The following DNAH2 variants were observed in gnomAD, a reference collection of about 807,000 sequenced individuals.
DNAH2 encodes the protein dynein axonemal heavy chain 2.
DNAH2 carries 323 observed loss-of-function variants against 523.5 expected under a neutral mutation model. That is an observed-to-expected ratio of 0.62 (90% CI 0.56 to 0.68). DNAH2 has a LOEUF of 0.68. Among genes scored for constraint, DNAH2 ranks in the 30% least tolerant of loss-of-function variants. The probability of loss-of-function intolerance (pLI) is 0.00; values close to 1 mark genes in which losing one functional copy is unlikely to be tolerated. For missense variants in DNAH2, 4,907 were observed against 5,701.5 expected, an observed-to-expected ratio of 0.86 and a Z score of 4.49; for synonymous variants, 2,093 against 2,177.4, an observed-to-expected ratio of 0.96 and a Z score of 1.08.
At chr17:7,756,964 C>CCAGG in intron 12 of DNAH2, 127 bp from the exon 13 acceptor site, 8 of 1,398,334 alleles carry the variant, frequency 5.7e-6, no homozygotes, top group Non-Finnish European at 6.9e-6. Flanking sequence ...AGCCACCATA[C>CCAGG]CAGGCCTCTG....
At position 7,770,547 on chromosome 17, in the gene DNAH2, C is replaced by A. The variant is rs1189076329; in HGVS notation, c.4099-10C>A. 2 of 1,613,952 alleles carry A rather than the reference C, an allele frequency of 1.2e-6. No individual in the cohort carries two copies. The highest frequency in any genetic ancestry group is 1.7e-5 in the Admixed American group (1 of 60,004). ...ACCTGACTGCTGTGTCCCCCAATTT[C>A]TCTCCACAGGCTTTACAAAACATTG... is the stretch of plus-strand genomic sequence containing the variant. On this transcript the variant is annotated splice_polypyrimidine_tract_variant and intron_variant, in intron 25 of 85. Coordinates refer to ENST00000572933, the MANE Select transcript of DNAH2 (RefSeq NM_020877.5).
Position 7,794,370 on chromosome 17 carries a change from A to C in DNAH2, c.7674+12A>C, listed in dbSNP as rs773033070. 2.2e-5 allele frequency: 35 copies of C among 1,598,116 alleles called. No homozygotes were observed. In the Admixed American group the frequency reaches 5.5e-4, roughly 25 times the overall value. The stretch of plus-strand genomic sequence containing the variant: ...TGACCTTCCCCACAGTGAGGACCTC[A>C]TGGGGGCTGCAGGACGAGGGGAGGG... On this transcript the variant is annotated intron_variant, in intron 49 of 85. Coordinates refer to ENST00000572933, the MANE Select transcript of DNAH2 (RefSeq NM_020877.5).
intron 71 of DNAH2, 45 bp from the exon 72 acceptor site, chr17:7,819,164 G>A (rs377440078): frequency 3.9e-5 from 63 of 1,609,132 alleles, no homozygotes; most frequent in Middle Eastern, 1.8e-4. Flanking sequence ...CCTGCTCCCT[G>A]CCACGTCCCT....
Position 7,832,684 on chromosome 17 carries a change from T to C in DNAH2, c.12832T>C (p.Trp4278Arg). ...ASRARPPVIF[W>R]LSGFTFPTGF... Reference sequence around the variant, plus strand: ...CCGGGCCCGGCCTCCTGTGATCTTCTGGTTGTCTGGTTTCACCTTTCCCAC... The same window carrying C: ...CCGGGCCCGGCCTCCTGTGATCTTCCGGTTGTCTGGTTTCACCTTTCCCAC... The change falls in exon 83 of 86, where the codon TGG (tryptophan) becomes CGG (arginine). Residue 4278 changes from tryptophan to arginine, a missense_variant. By Grantham distance (101) the Trp-to-Arg change is moderately radical. Transcript: ENST00000572933. This position sits in a 1 kb window ranked among gnomAD's most constrained non-coding sequence, Gnocchi z 4.3. 1.2e-6 allele frequency: 2 copies of C among 1,614,128 alleles called. No individual in the cohort carries two copies. Among genetic ancestry groups the C allele is most frequent in the Non-Finnish European group, 1.7e-6 (2 of 1,180,038 alleles).
At chr17:7,728,698 T>TA (rs1222967669) in intron 4 of DNAH2, among the ~76,000 whole-genome samples, 1 of 152,140 alleles carries the variant, frequency 6.6e-6, no homozygotes, top group Non-Finnish European at 1.5e-5. Context: ...TCATTTTATA[T>TA]AAAAAAGTAT....
At chr17:7,778,493 C>T (rs764301112) in intron 35 of DNAH2, 24 bp downstream of exon 35, 3 of 1,582,516 alleles carry the variant, frequency 1.9e-6, no homozygotes, top group Non-Finnish European at 2.6e-6. Context: ...CACCCTGTGC[C>T]AGAAGCCCCT....
At chr17:7,824,096 G>T in intron 75 of DNAH2, 25 bp from the exon 76 acceptor site, 1 of 1,566,872 alleles carries the variant, frequency 6.4e-7, no homozygotes, top group South Asian at 1.2e-5. Flanking sequence ...CCTTCTGCCT[G>T]ATGCTATACC....
intron 12 of DNAH2, among the ~76,000 whole-genome samples, chr17:7,745,397 A>C (rs1444991542): frequency 6.6e-6 from 1 of 152,174 alleles, no homozygotes; most frequent in African/African-American, 2.4e-5. Flanking sequence ...AAAACTAACT[A>C]ATAGGTACTA....
At chr17:7,743,239 C>G (rs1232756304) in intron 12 of DNAH2, 97 bp downstream of exon 12, 1 of 1,239,836 alleles carries the variant, frequency 8.1e-7, no homozygotes, top group Non-Finnish European at 1.2e-6. Context: ...TCATTATTCT[C>G]TCTCTTTCTC....
Position 7,786,032 on chromosome 17 carries a change from G to C in DNAH2, c.6130-92G>C. 7.4e-7 allele frequency: 1 copy of C among 1,356,002 alleles called. No individual in the cohort carries two copies. The highest frequency in any genetic ancestry group is 1.3e-5 in the South Asian group (1 of 76,522). 84.0% of individuals were successfully genotyped at this position (1,356,002 alleles called of 1,614,324 possible). ...GCCCTGGTGCCATTTTTAACAGTTT[G>C]AACGTATTCTCTCTGGCACCGGGGA... On this transcript the variant is annotated intron_variant, in intron 39 of 85. Coordinates refer to ENST00000572933, the MANE Select transcript of DNAH2 (RefSeq NM_020877.5). This position sits in a 1 kb window ranked among gnomAD's most constrained non-coding sequence, Gnocchi z 7.5.
chr17:7,779,490 C>A, intron 36 of DNAH2, 67 bp downstream of exon 36: 1 of 1,492,668 alleles, frequency 6.7e-7, no homozygotes, highest in Non-Finnish European at 9.2e-7. Flanking sequence ...GAAATAACTG[C>A]GCATCCTCCT....
At chr17:7,800,781 G>C (rs1474581670) in intron 56 of DNAH2, among the ~76,000 whole-genome samples, 1 of 150,102 alleles carries the variant, frequency 6.7e-6, no homozygotes, top group Non-Finnish European at 1.5e-5. Context: ...GCAGGAGAAT[G>C]GCGTGAACCT....
Position 7,741,060 on chromosome 17 carries a change from T to A in DNAH2, c.1689+68T>A, listed in dbSNP as rs1051985158. 7.9e-6 allele frequency: 12 copies of A among 1,528,022 alleles called. No individual in the cohort carries two copies. In the African/African-American group the frequency reaches 1.6e-4, roughly 21 times the overall value. 94.7% of individuals were successfully genotyped at this position (1,528,022 alleles called of 1,614,324 possible). A position where few individuals can be genotyped will look rare whatever the true frequency, so the allele number is the denominator to read the frequency against. ...GCCAGGAGGGATGGGGGATGGCTCC[T>A]GAGAGGTTCCCCAAAGAGTCTTCAG... On this transcript the variant is annotated intron_variant, in intron 11 of 85. Coordinates refer to ENST00000572933, the MANE Select transcript of DNAH2 (RefSeq NM_020877.5).
chr17:7,764,450 C>T (rs996415992), intron 20 of DNAH2, among the ~76,000 whole-genome samples, 177 bp downstream of exon 20: 16 of 151,500 alleles, frequency 1.1e-4, no homozygotes, highest in Admixed American at 1.3e-4. Flanking sequence ...CTTTTCTTTT[C>T]CTCTTCTTCT....
chr17:7,745,646 C>T (rs984839371), intron 12 of DNAH2, among the ~76,000 whole-genome samples: 3 of 151,928 alleles, frequency 2.0e-5, no homozygotes, highest in African/African-American at 4.8e-5. Context: ...AAAAATTAGC[C>T]GGGCATAGTG....
At chr17:7,823,294 CA>C (rs34255363) in intron 73 of DNAH2, 147 bp from the exon 74 acceptor site, 21,663 of 533,834 alleles carry the variant, frequency 0.041, 47 homozygotes, top group African/African-American at 0.097. Flanking sequence ...GACTCCATCT[CA>C]AAAAAAAAAA....
rs998587054 is a variant in DNAH2, at chr17:7,788,157, C to A, written c.6813C>A (p.Asn2271Lys). Residue 2271 changes from asparagine (N) to lysine (K), a missense_variant, in exon 44 of 86, where the codon AAC becomes AAA. Physicochemically the swap from Asn to Lys is moderately conservative, Grantham distance 94 (BLOSUM62 0). Around this residue, in one of 3 missense-constraint regions of DNAH2, gnomAD observed 2,806 missense variants for 3,190.8 expected, o/e 0.88. Transcript: ENST00000572933. ...INKMLAFKKD[N>K]CKELVPLPEY... is the part of the protein sequence containing the mutation. ...AGATGCTGGCCTTTAAGAAGGACAA[C>A]TGCAAGGAGCTGGTGCCCCTGCCCG... is the stretch of plus-strand genomic sequence containing the variant. 15 of 1,614,028 alleles carry A rather than the reference C, an allele frequency of 9.3e-6. No homozygotes were observed. Among genetic ancestry groups the A allele is most frequent in the African/African-American group, 5.3e-5 (4 of 74,938 alleles).
chr17:7,720,424 A>C (rs1289813269), intron 2 of DNAH2, among the ~76,000 whole-genome samples: 1 of 152,148 alleles, frequency 6.6e-6, no homozygotes, highest in African/African-American at 2.4e-5. Context: ...GCGGAGGTTC[A>C]GGTTCAGGAT....
At chr17:7,740,308 C>G (rs2151151421) in intron 9 of DNAH2, 112 bp from the exon 10 acceptor site, 1 of 1,509,690 alleles carries the variant, frequency 6.6e-7, no homozygotes, top group South Asian at 1.3e-5. Context: ...CTTGGAGTGC[C>G]TGGCACACAG....
Sources: gnomAD v4.1 joint callset for allele counts (sites outside exome capture counted in the v4.1 genomes callset) on GRCh38, gnomAD v4.1.1 for gene constraint, gnomAD v4.1.1 regional missense constraint, Gnocchi (gnomAD v3.1) non-coding constraint, MANE v1.5 for transcripts, NCBI Gene and HGNC (gene_info 2026-07-23, HGNC 2026-07-21) for gene names.